The following LIFR variants were observed in gnomAD, a reference collection of about 807,000 sequenced individuals.
LIFR encodes leukemia inhibitory factor receptor.
In LIFR, 84 loss-of-function variants were observed where a neutral mutation model predicts 122.2. The observed-to-expected ratio is 0.69, with a 90% CI of 0.58 to 0.82. LIFR has a LOEUF of 0.82. LIFR is among the 40% of genes least tolerant of loss of function. The pLI is 0.00. For synonymous variants in LIFR, 422 were observed against 434.7 expected (o/e 0.97, Z 0.36); for missense variants, 1,294 against 1,311.6 (o/e 0.99, Z 0.21).
upstream of LIFR, among the ~76,000 whole-genome samples, chr5:38,598,232 TATTTATTTA>T (rs1561235442): frequency 0.052 from 3,849 of 73,450 alleles, 669 homozygotes; most frequent in South Asian, 0.061. Flanking sequence ...TTTTTTTTTT[TATTTATTTA>T]TTTATTTTTT....
rs1241596011 is a variant in LIFR at position 38,505,916 on chromosome 5, A to T, written c.1280T>A (p.Ile427Lys). Residue 427 changes from isoleucine to lysine, a missense_variant, in exon 9 of 20, where the codon ATA (isoleucine) becomes AAA (lysine). Physicochemically the swap from Ile to Lys is moderately radical, Grantham distance 102. Transcript: ENST00000453190. ...TATGTACAGCTTACCTTTTTCAGTTATATTAACTAAAATTGTTGATTGTGA... is the reference window on the plus strand; with the variant it reads ...TATGTACAGCTTACCTTTTTCAGTTTTATTAACTAAAATTGTTGATTGTGA... ...GRSQSTILVNITEKVYPHTPT... is the reference protein window; with the variant it reads ...GRSQSTILVNKTEKVYPHTPT... 2 of 1,604,870 alleles carry T rather than the reference A, an allele frequency of 1.2e-6. No homozygotes were observed. The highest frequency in any genetic ancestry group is 3.4e-5 in the Admixed American group (2 of 59,538).
rs1422993366 is a variant in LIFR at position 38,592,246 on chromosome 5, GT to G, written c.-20+3014del. On this transcript the variant is annotated intron_variant, in intron 1 of 19. Coordinates refer to the LIFR transcript ENST00000263409. ...CTACTCTGTTTTCTGGGAGTATAGA[GT>G]TTTAAACAGAAAATTTTAAAGAAAT... is the stretch of plus-strand genomic sequence containing the variant. 8.6e-5 allele frequency among the ~76,000 whole-genome samples: 13 copies of G among 151,940 alleles called. 1 individual carries two copies. The highest frequency in any genetic ancestry group is 2.7e-4 in the African/African-American group (11 of 41,420).
intron 1 of LIFR, among the ~76,000 whole-genome samples, chr5:38,532,241 G>C (rs555924263): frequency 3.3e-5 from 5 of 152,318 alleles, no homozygotes; most frequent in African/African-American, 9.6e-5. Context: ...TGCAAGAAGG[G>C]GCGGAGGGAG....
At chr5:38,571,668 A>G (rs1446044221) in intron 1 of LIFR, among the ~76,000 whole-genome samples, 1 of 152,224 alleles carries the variant, frequency 6.6e-6, no homozygotes, top group Non-Finnish European at 1.5e-5. Flanking sequence ...TGTTATCATA[A>G]TGCAATATTA....
In LIFR at chr5:38,481,147, T is replaced by A; in HGVS notation, c.*448A>T. The A allele has an allele frequency of 3.8e-6, 1 of 261,068 alleles. No homozygotes were observed. The highest frequency in any genetic ancestry group is 7.4e-6 in the Non-Finnish European group (1 of 134,936). The allele number at this position is 261,068 out of a possible 1,614,324, so 16.2% of individuals were successfully genotyped here. A position where few individuals can be genotyped will look rare whatever the true frequency, so the allele number is the denominator to read the frequency against. On this transcript the variant is annotated 3_prime_UTR_variant, in exon 20 of 20. Transcript: ENST00000453190. ...TGCTTGGTTTTCATCTAGAAAGGAG[T>A]AAACGTCAGGCAAATAAACTTCACC...
chr5:38,592,977 G>A (rs888688810), intron 1 of LIFR, among the ~76,000 whole-genome samples: 2 of 151,970 alleles, frequency 1.3e-5, no homozygotes, highest in Non-Finnish European at 2.9e-5. Flanking sequence ...GACCGAGGCG[G>A]ATAGATCACG....
Position 38,503,965 on chromosome 5 carries a change from G to A in LIFR, c.1437+11C>T, listed in dbSNP as rs1260256904. On this transcript the variant is annotated intron_variant, in intron 10 of 19. Transcript: ENST00000453190. Reference sequence around the variant, plus strand: ...AAATAATCACAAAGGAAGTCTTTAAGAGAATCTTACCTGCTCTTGTACTGA... The same window carrying A: ...AAATAATCACAAAGGAAGTCTTTAAAAGAATCTTACCTGCTCTTGTACTGA... 1 of 1,536,734 alleles carries A rather than the reference G, an allele frequency of 6.5e-7. No individual in the cohort carries two copies. The highest frequency in any genetic ancestry group is 1.4e-5 in the African/African-American group (1 of 73,184).
chr5:38,549,391 C>T (rs918336249), intron 1 of LIFR, among the ~76,000 whole-genome samples: 3 of 152,110 alleles, frequency 2.0e-5, no homozygotes, highest in Admixed American at 2.0e-4. Context: ...TATTCCCCTA[C>T]ATCACTGTTA....
At chr5:38,580,633 C>A (rs1749550501) in intron 1 of LIFR, among the ~76,000 whole-genome samples, 1 of 152,142 alleles carries the variant, frequency 6.6e-6, no homozygotes, top group Admixed American at 6.5e-5. Flanking sequence ...TAGGTCATCT[C>A]CACCTAACCT....
At chr5:38,498,283 T>C (rs1744992305) in intron 12 of LIFR, among the ~76,000 whole-genome samples, 1 of 152,180 alleles carries the variant, frequency 6.6e-6, no homozygotes, top group African/African-American at 2.4e-5. Flanking sequence ...TTCTTCGTTG[T>C]TCCTGCCCCT....
chr5:38,554,734 G>A (rs1325662134), intron 1 of LIFR, among the ~76,000 whole-genome samples: 1 of 152,220 alleles, frequency 6.6e-6, no homozygotes, highest in Non-Finnish European at 1.5e-5. Flanking sequence ...CAAGGAGCCA[G>A]TAGCTGTGGA....
chr5:38,526,148 G>A (rs1414296933), intron 4 of LIFR, among the ~76,000 whole-genome samples: 1 of 152,162 alleles, frequency 6.6e-6, no homozygotes, highest in Non-Finnish European at 1.5e-5. Context: ...TGAGGACAAT[G>A]TTAACTTGCT....
intron 1 of LIFR, among the ~76,000 whole-genome samples, chr5:38,607,280 C>A (rs1416514680): frequency 6.6e-6 from 1 of 152,144 alleles, no homozygotes; most frequent in Non-Finnish European, 1.5e-5. Flanking sequence ...ATAACCAGAG[C>A]CTGTGGGCTC....
At position 38,527,215 on chromosome 5, in the gene LIFR, T is replaced by G. The variant is rs1255373485; in HGVS notation, c.337A>C (p.Asn113His). The G allele has an allele frequency of 1.3e-6, 2 of 1,589,554 alleles. No homozygotes were observed. Among genetic ancestry groups the G allele is most frequent in the South Asian group, 1.1e-5 (1 of 90,088 alleles). ...LSHGDYEITI[N>H]SLHDFGSSTS... is the part of the protein sequence containing the mutation. ...GAACTTCCAAAATCATGTAGAGAATTTATTGTTATTTCATAATCACCATGT... is the reference window on the plus strand; with the variant it reads ...GAACTTCCAAAATCATGTAGAGAATGTATTGTTATTTCATAATCACCATGT... Residue 113 changes from asparagine to histidine, a missense_variant, in exon 4 of 20, where the codon AAT becomes CAT. Asn to His is a moderately conservative substitution (Grantham distance 68). Transcript: ENST00000453190.
At position 38,475,943 on chromosome 5, in the gene LIFR, G is replaced by A. The variant is rs1011698764; in HGVS notation, c.*5652C>T. On this transcript the variant is annotated 3_prime_UTR_variant, in exon 20 of 20. Transcript: ENST00000453190. ...ATTTAAATGTATTTAAGAAAAAGCC[G>A]TGCTCTTTTTTGAGAAAATAACAGG... 4 of 196,116 alleles carry A rather than the reference G, an allele frequency of 2.0e-5. No individual in the cohort carries two copies. Among genetic ancestry groups the A allele is most frequent in the South Asian group, 1.9e-4 (1 of 5,210 alleles). 12.1% of individuals were successfully genotyped at this position (196,116 alleles called of 1,614,324 possible). A position where few individuals can be genotyped will look rare whatever the true frequency, so the allele number is the denominator to read the frequency against.
chr5:38,552,893 C>A (rs953015446), intron 1 of LIFR, among the ~76,000 whole-genome samples: 2 of 152,218 alleles, frequency 1.3e-5, no homozygotes, highest in African/African-American at 4.8e-5. Flanking sequence ...CTATTCATAG[C>A]CCACTATGTG....
chr5:38,513,921 G>GA (rs1745938566), intron 5 of LIFR, among the ~76,000 whole-genome samples: 1 of 151,676 alleles, frequency 6.6e-6, no homozygotes, highest in South Asian at 2.1e-4. Flanking sequence ...AAAAGAAAAA[G>GA]AAAAAATGTG....
At chr5:38,508,526 T>C (rs1025087891) in intron 7 of LIFR, among the ~76,000 whole-genome samples, 2 of 151,968 alleles carry the variant, frequency 1.3e-5, no homozygotes, top group Non-Finnish European at 2.9e-5. Flanking sequence ...TAGGTGTGTG[T>C]GCACGCAGAC....
chr5:38,597,333 G>T (rs1461677261), upstream of LIFR, among the ~76,000 whole-genome samples: 1 of 152,228 alleles, frequency 6.6e-6, no homozygotes, highest in Admixed American at 6.5e-5. Context: ...GGAGAGTTCA[G>T]TGTTACATAA....
Sources: gnomAD v4.1 joint callset for allele counts (sites outside exome capture counted in the v4.1 genomes callset) on GRCh38, gnomAD v4.1.1 for gene constraint, MANE v1.5 for transcripts, NCBI Gene and HGNC (gene_info 2026-07-23, HGNC 2026-07-21) for gene names.